The following CCDC33 variants were observed in gnomAD, a reference collection of about 807,000 sequenced individuals.
CCDC33 encodes coiled-coil domain containing 33, also known as coiled-coil domain-containing protein 33.
In CCDC33, 94 loss-of-function variants were observed where a neutral mutation model predicts 91.9. The ratio of observed to expected loss-of-function variants is 1.02; its 90% CI spans 0.87 to 1.21. The LOEUF is 1.21. Among genes scored for constraint, CCDC33 ranks in the 50% most tolerant of loss-of-function variants. CCDC33 has a pLI of 0.00. For synonymous variants in CCDC33, 396 were observed against 374.5 expected (o/e 1.06, Z -0.66); for missense variants, 940 against 935.5 (o/e 1.00, Z -0.06).
intron 2 of CCDC33, among the ~76,000 whole-genome samples, chr15:74,224,269 A>T (rs2074713949): frequency 6.6e-6 from 1 of 152,038 alleles, no homozygotes. Flanking sequence ...ATACATCGTG[A>T]TCACCCTGCA....
intron 3 of CCDC33, among the ~76,000 whole-genome samples, chr15:74,263,716 C>T (rs939647106): frequency 3.9e-5 from 6 of 152,118 alleles, no homozygotes; most frequent in East Asian, 1.9e-4. Flanking sequence ...CTGGTTCATG[C>T]GCATGTGTGA....
In CCDC33 at chr15:74,335,067, C is replaced by T; in HGVS notation, c.2118C>T (p.Asn706=). 1 of 1,613,984 alleles carries T rather than the reference C, an allele frequency of 6.2e-7. No homozygotes were observed. Among genetic ancestry groups the T allele is most frequent in the South Asian group, 1.1e-5 (1 of 91,080 alleles). Residue 706 remains asparagine (N), a synonymous_variant, in exon 18 of 19, where the codon AAC becomes AAT. Coordinates refer to ENST00000398814, the MANE Select transcript of CCDC33 (RefSeq NM_025055.5). ...AAAAAGGTTTCAGGCACCCCTCGAA[C>T]TCCATCATCATAGAACAGCCTGTGA... ...EQEKGFRHPS[N]SIIIEQPSAL...
intron 1 of CCDC33, among the ~76,000 whole-genome samples, chr15:74,239,820 TGA>T (rs1196201178): frequency 2.3e-5 from 1 of 44,292 alleles, no homozygotes; most frequent in African/African-American, 9.9e-5. Context: ...TTGTGCAAAC[TGA>T]GAGTTACGGG....
intron 2 of CCDC33, among the ~76,000 whole-genome samples, chr15:74,247,848 A>C (rs953894456): frequency 2.0e-5 from 3 of 152,184 alleles, no homozygotes; most frequent in Non-Finnish European, 2.9e-5. Flanking sequence ...AGGCCAAGAC[A>C]GGTGGATCAC....
intron 10 of CCDC33, among the ~76,000 whole-genome samples, chr15:74,282,758 C>T (rs1041083571): frequency 6.6e-6 from 1 of 152,204 alleles, no homozygotes. Context: ...CTAAGCCCTG[C>T]CTGCTGGATG....
At chr15:74,310,261 G>A (rs934851450) in intron 11 of CCDC33, among the ~76,000 whole-genome samples, 15 of 151,960 alleles carry the variant, frequency 9.9e-5, no homozygotes, top group African/African-American at 3.4e-4. Flanking sequence ...TTCTGAGGCC[G>A]GGCACAATGG....
upstream of CCDC33, among the ~76,000 whole-genome samples, chr15:74,215,681 C>CCTTGCTA (rs1232023683): frequency 6.6e-6 from 1 of 152,008 alleles, no homozygotes; most frequent in African/African-American, 2.4e-5. Context: ...CTAAGGCCAA[C>CCTTGCTA]AGAGCCACCT....
chr15:74,275,329 C>A (rs1237719692), intron 7 of CCDC33, among the ~76,000 whole-genome samples: 1 of 152,208 alleles, frequency 6.6e-6, no homozygotes, highest in Non-Finnish European at 1.5e-5. Context: ...GCAAAGTGTC[C>A]AGGCCCAGGG....
chr15:74,266,605 C>A, intron 3 of CCDC33, 73 bp from the exon 4 acceptor site: 1 of 1,047,868 alleles, frequency 9.5e-7, no homozygotes, highest in South Asian at 1.3e-5. Context: ...TCTCACCTCT[C>A]ACTGTCTCTC....
At chr15:74,208,933 C>T (rs972834691) in intron 1 of CCDC33, 10 of 996,266 alleles carry the variant, frequency 1.0e-5, no homozygotes, top group East Asian at 1.1e-4. Flanking sequence ...AGCCCAGCAC[C>T]AGCTGGGCTG....
chr15:74,312,915 G>T (rs969722399), intron 11 of CCDC33, among the ~76,000 whole-genome samples: 6 of 152,176 alleles, frequency 3.9e-5, no homozygotes, highest in Non-Finnish European at 8.8e-5. Context: ...ACCCCACCAG[G>T]CAGGGCCTCA....
chr15:74,270,578 G>C (rs568602428), intron 5 of CCDC33, among the ~76,000 whole-genome samples: 1 of 152,284 alleles, frequency 6.6e-6, no homozygotes, highest in Admixed American at 6.5e-5. Context: ...GGAGAGGCTA[G>C]TGAGGAGGCA....
chr15:74,306,971 T>C (rs2142714064), intron 11 of CCDC33, among the ~76,000 whole-genome samples: 1 of 152,232 alleles, frequency 6.6e-6, no homozygotes, highest in South Asian at 2.1e-4. Context: ...AGCCTGGTCT[T>C]GACAATTTCC....
In CCDC33 at chr15:74,330,711, T is replaced by A; in HGVS notation, c.1505T>A (p.Leu502Gln). 1 of 1,612,948 alleles carries A rather than the reference T, an allele frequency of 6.2e-7. No individual in the cohort carries two copies. The highest frequency in any genetic ancestry group is 8.5e-7 in the Non-Finnish European group (1 of 1,179,862). ...LLLSELDMKK[L>Q]RDRVQHLQNE... ...CTGAGTGAGCTGGATATGAAGAAAC[T>A]GAGGGACAGGGTGCAGCATTTGCAG... The change falls in exon 13 of 19, where the codon CTG becomes CAG. Residue 502 changes from leucine to glutamine, a missense_variant. Transcript: ENST00000398814.
At chr15:74,207,677 G>T in intron 1 of CCDC33, 1 of 1,533,532 alleles carries the variant, frequency 6.5e-7, no homozygotes, top group South Asian at 1.2e-5. Flanking sequence ...CAGGAGTGGG[G>T]GGATGGCCAC....
At chr15:74,263,274 C>T (rs987194439) in intron 3 of CCDC33, among the ~76,000 whole-genome samples, 1 of 152,160 alleles carries the variant, frequency 6.6e-6, no homozygotes, top group Non-Finnish European at 1.5e-5. Context: ...GGCTGATGCC[C>T]GGGTAGGGGG....
chr15:74,218,712 C>T lies in CCDC33; in HGVS notation c.526C>T (p.Pro176Ser). ...GGCTCTGCTCCGGGCTAGCACGGAC[C>T]CCACAGCCCGACACTGTGGGAGCCT... is the stretch of plus-strand genomic sequence containing the variant. The change falls in exon 2 of 3, where the codon CCC becomes TCC. Residue 176 changes from proline (P) to serine (S), a missense_variant. Transcript: ENST00000635913. This position sits in a 1 kb window ranked among gnomAD's most constrained non-coding sequence, Gnocchi z 4.8. 7.8e-7 allele frequency: 1 copy of T among 1,289,834 alleles called. No homozygotes were observed. Among genetic ancestry groups the T allele is most frequent in the Non-Finnish European group, 1.0e-6 (1 of 988,872 alleles). 79.9% of individuals were successfully genotyped at this position (1,289,834 alleles called of 1,614,324 possible).
At chr15:74,242,660 A>G (rs2075385408) in intron 1 of CCDC33, among the ~76,000 whole-genome samples, 1 of 152,120 alleles carries the variant, frequency 6.6e-6, no homozygotes, top group South Asian at 2.1e-4. Flanking sequence ...CGGGAGGCCT[A>G]TCAAGGGTTA....
In CCDC33 at chr15:74,330,668, A is replaced by G. The variant is rs751880673; in HGVS notation, c.1462A>G (p.Met488Val). Reference protein sequence around the residue: ...KASEAQNTVSMKQKLLLSELD... With the variant: ...KASEAQNTVSVKQKLLLSELD... ...CTCCCCAACCCACCTAACAGTGTCC[A>G]TGAAGCAGAAACTGCTGCTGAGTGA... Residue 488 changes from methionine (M) to valine (V), a missense_variant, in exon 13 of 19, where the codon ATG (methionine) becomes GTG (valine). Met to Val is a conservative substitution (Grantham distance 21). Transcript: ENST00000398814. The G allele has an allele frequency of 1.2e-6, 2 of 1,613,222 alleles. No individual in the cohort carries two copies. The highest frequency in any genetic ancestry group is 1.1e-5 in the South Asian group (1 of 91,078).
Sources: allele counts gnomAD v4.1 joint callset (sites outside exome capture counted in the v4.1 genomes callset), GRCh38; gene constraint gnomAD v4.1.1; non-coding constraint Gnocchi (gnomAD v3.1); transcripts MANE v1.5; gene names NCBI Gene and HGNC (gene_info 2026-07-23, HGNC 2026-07-21).